Variants in NRG3 observed in about 807,000 individuals in gnomAD.
NRG3 encodes the protein neuregulin 3, also known as pro-neuregulin-3, membrane-bound isoform.
In NRG3, 31 loss-of-function variants were observed where a neutral mutation model predicts 66.9. The ratio of observed to expected loss-of-function variants is 0.46; its 90% CI spans 0.35 to 0.63. NRG3 has a LOEUF of 0.63. NRG3 is among the 20% of genes least tolerant of loss of function. The probability of loss-of-function intolerance (pLI) is 0.00; values close to 1 mark genes in which losing one functional copy is unlikely to be tolerated. For synonymous variants in NRG3, 393 were observed against 359.4 expected (o/e 1.09, Z -1.06); for missense variants, 910 against 878.9 (o/e 1.04, Z -0.45).
intron 3 of NRG3, among the ~76,000 whole-genome samples, chr10:82,789,480 A>G (rs2060497727): frequency 6.6e-6 from 1 of 152,058 alleles, no homozygotes; most frequent in Non-Finnish European, 1.5e-5. Flanking sequence ...TTTGCCTGAT[A>G]TTAGTAGAGC....
intron 1 of NRG3, among the ~76,000 whole-genome samples, chr10:82,034,828 G>A (rs1035301563): frequency 2.0e-5 from 3 of 151,990 alleles, no homozygotes; most frequent in African/African-American, 7.2e-5. Context: ...CAGAGGCTCT[G>A]CTCTGACTTG....
intron 2 of NRG3, among the ~76,000 whole-genome samples, chr10:82,580,674 T>C (rs1316790100): frequency 6.6e-6 from 1 of 152,058 alleles, no homozygotes; most frequent in Non-Finnish European, 1.5e-5. Context: ...GGCTTATTTT[T>C]ATCACTTAAT....
chr10:82,444,507 A>G (rs2136482420), intron 2 of NRG3, among the ~76,000 whole-genome samples: 1 of 152,296 alleles, frequency 6.6e-6, no homozygotes, highest in South Asian at 2.1e-4. Context: ...TAAATAATAT[A>G]TAATTTAACT....
At chr10:82,383,599 T>A (rs1179205633) in intron 2 of NRG3, among the ~76,000 whole-genome samples, 1 of 152,032 alleles carries the variant, frequency 6.6e-6, no homozygotes. Flanking sequence ...GAATTGTTAC[T>A]ATGTTTTTAT....
At chr10:82,796,727 C>T (rs1014221395) in intron 3 of NRG3, among the ~76,000 whole-genome samples, 3 of 151,980 alleles carry the variant, frequency 2.0e-5, no homozygotes, top group Non-Finnish European at 2.9e-5. Context: ...ACTATCCTGA[C>T]CCTTCCTCTT....
chr10:82,231,502 A>G (rs2076461829), intron 1 of NRG3, among the ~76,000 whole-genome samples: 1 of 152,206 alleles, frequency 6.6e-6, no homozygotes, highest in Non-Finnish European at 1.5e-5. Context: ...TAGTATTATC[A>G]TGAGGCATAC....
intron 1 of NRG3, among the ~76,000 whole-genome samples, chr10:81,969,800 T>C (rs113225394): frequency 0.022 from 3,351 of 149,960 alleles, 61 homozygotes; most frequent in African/African-American, 0.056. Context: ...TGTGTGTGTG[T>C]GCACATGCAC....
chr10:82,755,119 GT>G (rs1156361326), intron 3 of NRG3, among the ~76,000 whole-genome samples: 1 of 152,012 alleles, frequency 6.6e-6, no homozygotes, highest in Non-Finnish European at 1.5e-5. Flanking sequence ...GGTAGTTTGA[GT>G]TTTTTTCCTG....
At chr10:82,185,439 G>T (rs1452633548) in intron 1 of NRG3, among the ~76,000 whole-genome samples, 2 of 152,002 alleles carry the variant, frequency 1.3e-5, no homozygotes, top group African/African-American at 4.8e-5. Context: ...AGCTTATTTT[G>T]TGTACAGATC....
At chr10:82,550,605 A>G (rs2044242295) in intron 2 of NRG3, among the ~76,000 whole-genome samples, 1 of 152,102 alleles carries the variant, frequency 6.6e-6, no homozygotes, top group African/African-American at 2.4e-5. Context: ...TTGTGTTTTT[A>G]GGATCTTTTC....
intron 2 of NRG3, among the ~76,000 whole-genome samples, chr10:82,696,019 C>G (rs1312803152): frequency 2.0e-5 from 3 of 152,168 alleles, no homozygotes; most frequent in Non-Finnish European, 2.9e-5. Flanking sequence ...CAGTCCCTGT[C>G]TTATGTGTGG....
intron 2 of NRG3, among the ~76,000 whole-genome samples, chr10:82,655,657 A>G (rs1288258452): frequency 1.3e-5 from 2 of 152,208 alleles, no homozygotes; most frequent in South Asian, 2.1e-4. Context: ...CTACATATCT[A>G]TTTACATGTG....
intron 4 of NRG3, among the ~76,000 whole-genome samples, chr10:82,898,185 G>A: frequency 6.6e-6 from 1 of 152,164 alleles, no homozygotes; most frequent in East Asian, 1.9e-4. Context: ...CCCTGAGTCT[G>A]TCCACACTGG....
chr10:82,073,428 G>T (rs979114054), intron 1 of NRG3, among the ~76,000 whole-genome samples: 1 of 152,080 alleles, frequency 6.6e-6, no homozygotes, highest in African/African-American at 2.4e-5. Context: ...AGATGTTCTT[G>T]CTGATTTCTT....
chr10:82,592,217 G>A (rs2047020332), intron 2 of NRG3, among the ~76,000 whole-genome samples: 1 of 152,206 alleles, frequency 6.6e-6, no homozygotes, highest in African/African-American at 2.4e-5. Flanking sequence ...TGGGCAGGAA[G>A]ATAGGGGTTC....
intron 2 of NRG3, among the ~76,000 whole-genome samples, chr10:82,591,289 G>A (rs1191097572): frequency 6.6e-6 from 1 of 152,156 alleles, no homozygotes; most frequent in Non-Finnish European, 1.5e-5. Context: ...TTGAAGGATA[G>A]GCATCCCAAA....
intron 1 of NRG3, among the ~76,000 whole-genome samples, chr10:82,259,167 T>C (rs568500397): frequency 6.6e-6 from 1 of 152,294 alleles, no homozygotes; most frequent in South Asian, 2.1e-4. Context: ...ACATCTGCCA[T>C]TGATCGAAAA....
At chr10:82,946,002 G>A (rs138199843) in intron 4 of NRG3, among the ~76,000 whole-genome samples, 2,176 of 152,128 alleles carry the variant, frequency 0.014, 18 homozygotes, top group Non-Finnish European at 0.022. Flanking sequence ...GAACAATTCT[G>A]TAAAGACAGA....
At chr10:81,921,744 C>T (rs757770794) in intron 1 of NRG3, among the ~76,000 whole-genome samples, 2 of 152,074 alleles carry the variant, frequency 1.3e-5, no homozygotes, top group African/African-American at 4.8e-5. Context: ...TTTTCAATAA[C>T]TAGTAATGCA....
Sources: gnomAD v4.1 joint callset for allele counts (sites outside exome capture counted in the v4.1 genomes callset) on GRCh38, gnomAD v4.1.1 for gene constraint, MANE v1.5 for transcripts, NCBI Gene and HGNC (gene_info 2026-07-23, HGNC 2026-07-21) for gene names.